Variants in CDC42BPA observed in about 807,000 individuals in gnomAD.
CDC42BPA encodes CDC42 binding protein kinase alpha, also known as serine/threonine-protein kinase MRCK alpha.
CDC42BPA carries 80 observed loss-of-function variants against 223.5 expected under a neutral mutation model. That is an observed-to-expected ratio of 0.36 (90% CI 0.30 to 0.43). CDC42BPA has a LOEUF of 0.43. Among genes scored for constraint, CDC42BPA ranks in the 20% least tolerant of loss-of-function variants. The pLI, the probability that CDC42BPA is intolerant of heterozygous loss-of-function variation, is 1.00. For missense variants in CDC42BPA, 1,743 were observed against 2,099.9 expected (o/e 0.83, Z 3.32); for synonymous variants, 694 against 718.6 (o/e 0.97, Z 0.55).
At chr1:227,152,490 T>C (rs56219094) in intron 6 of CDC42BPA, among the ~76,000 whole-genome samples, 55,941 of 151,970 alleles carry the variant, frequency 0.37, 10,442 homozygotes, top group Middle Eastern at 0.39. Flanking sequence ...CGATAAACTC[T>C]AGACAGCAGG....
At chr1:227,153,052 T>C (rs1292160176) in intron 6 of CDC42BPA, among the ~76,000 whole-genome samples, 1 of 151,854 alleles carries the variant, frequency 6.6e-6, no homozygotes, top group Non-Finnish European at 1.5e-5. Context: ...ACAGCAAAGC[T>C]ACAAAAGAGC....
intron 6 of CDC42BPA, among the ~76,000 whole-genome samples, chr1:227,157,384 A>G (rs1414742192): frequency 6.6e-6 from 1 of 152,058 alleles, no homozygotes; most frequent in Non-Finnish European, 1.5e-5. Context: ...TAATACAGAA[A>G]CCTCAGTTTA....
At chr1:227,150,994 G>T (rs922350058) in intron 6 of CDC42BPA, among the ~76,000 whole-genome samples, 1 of 151,764 alleles carries the variant, frequency 6.6e-6, no homozygotes, top group Non-Finnish European at 1.5e-5. Flanking sequence ...ATTTTTAATG[G>T]TGGTAAAAAT....
At chr1:227,132,169 A>G (rs1320841067) in intron 10 of CDC42BPA, among the ~76,000 whole-genome samples, 2 of 151,322 alleles carry the variant, frequency 1.3e-5, no homozygotes, top group Non-Finnish European at 2.9e-5. Context: ...CTCTCTTTCC[A>G]CGGTCTCCCT....
At chr1:227,152,806 T>C (rs142239293) in intron 6 of CDC42BPA, among the ~76,000 whole-genome samples, 3 of 152,084 alleles carry the variant, frequency 2.0e-5, no homozygotes, top group Non-Finnish European at 2.9e-5. Flanking sequence ...ACATCAGCAA[T>C]AATCTGTTTA....
At chr1:227,168,492 C>G (rs1572103516) in intron 5 of CDC42BPA, among the ~76,000 whole-genome samples, 2 of 30,892 alleles carry the variant, frequency 6.5e-5, no homozygotes, top group East Asian at 9.7e-4. Flanking sequence ...TTTATCTTCC[C>G]TGGTGTTTTT....
At chr1:227,130,922 T>C (rs931905429) in intron 10 of CDC42BPA, among the ~76,000 whole-genome samples, 3 of 152,158 alleles carry the variant, frequency 2.0e-5, no homozygotes, top group African/African-American at 7.2e-5. Flanking sequence ...CTTTTCCTCC[T>C]GTACCCCACC....
At chr1:227,141,287 A>C (rs1259667058) in intron 9 of CDC42BPA, among the ~76,000 whole-genome samples, 2 of 152,192 alleles carry the variant, frequency 1.3e-5, no homozygotes, top group Non-Finnish European at 2.9e-5. Context: ...TGTAAAGCAG[A>C]GACATGGTTG....
At chr1:227,114,585 T>C (rs1000244925) in intron 12 of CDC42BPA, among the ~76,000 whole-genome samples, 2 of 152,012 alleles carry the variant, frequency 1.3e-5, no homozygotes, top group Admixed American at 6.5e-5. Flanking sequence ...CTTTGTACAG[T>C]AAACAAAAGA....
At chr1:227,312,037 T>C (rs936016398) in intron 1 of CDC42BPA, among the ~76,000 whole-genome samples, 3 of 152,242 alleles carry the variant, frequency 2.0e-5, no homozygotes, top group Non-Finnish European at 4.4e-5. Context: ...AAACTATTTT[T>C]ATCTCAACCT....
At chr1:227,030,259 T>A in intron 29 of CDC42BPA, 149 bp downstream of exon 29, 3 of 590,174 alleles carry the variant, frequency 5.1e-6, no homozygotes, top group Non-Finnish European at 8.9e-6. Context: ...AAATAATCTT[T>A]TAATTTATAA....
chr1:227,108,268 C>T (rs1011572371), intron 14 of CDC42BPA, among the ~76,000 whole-genome samples: 35 of 152,156 alleles, frequency 2.3e-4, no homozygotes, highest in African/African-American at 8.2e-4. Context: ...TGAGCACTGC[C>T]TTTATGGCAT....
chr1:227,237,371 G>A (rs186634618), intron 2 of CDC42BPA, among the ~76,000 whole-genome samples: 47 of 152,026 alleles, frequency 3.1e-4, no homozygotes, highest in Middle Eastern at 3.4e-3. Context: ...CCATTCCCTC[G>A]ACTACCTATT....
chr1:227,025,211 C>A (rs768619220), intron 31 of CDC42BPA, among the ~76,000 whole-genome samples: 8 of 152,068 alleles, frequency 5.3e-5, no homozygotes, highest in Non-Finnish European at 1.2e-4. Flanking sequence ...TCACTGCACT[C>A]CAGGTTGGAT....
intron 5 of CDC42BPA, chr1:227,183,134 T>G (rs911919009): frequency 6.6e-6 from 1 of 152,244 alleles, no homozygotes; most frequent in Non-Finnish European, 1.5e-5. Context: ...CTCCCTTTTA[T>G]ATATACATAT....
At chr1:227,061,600 G>A (rs1237657144) in intron 21 of CDC42BPA, among the ~76,000 whole-genome samples, 1 of 152,134 alleles carries the variant, frequency 6.6e-6, no homozygotes, top group Non-Finnish European at 1.5e-5. Flanking sequence ...GCTTTGATCT[G>A]ATACTCAGGT....
intron 2 of CDC42BPA, among the ~76,000 whole-genome samples, chr1:227,246,512 T>TG (rs1248309456): frequency 6.6e-6 from 1 of 151,856 alleles, no homozygotes; most frequent in Non-Finnish European, 1.5e-5. Flanking sequence ...GAGTTCCAGG[T>TG]GGCTCGATAC....
chr1:227,315,610 A>T (rs1237662689), intron 1 of CDC42BPA, among the ~76,000 whole-genome samples: 1 of 151,938 alleles, frequency 6.6e-6, no homozygotes, highest in Non-Finnish European at 1.5e-5. Context: ...AGAATTTCTC[A>T]ATTTGTGAAA....
intron 15 of CDC42BPA, among the ~76,000 whole-genome samples, chr1:227,093,266 A>G (rs895689414): frequency 2.0e-5 from 3 of 152,210 alleles, no homozygotes; most frequent in Non-Finnish European, 4.4e-5. Flanking sequence ...GAATACCACA[A>G]GAACAATGTT....
Sources: allele counts gnomAD v4.1 joint callset (sites outside exome capture counted in the v4.1 genomes callset), GRCh38; gene constraint gnomAD v4.1.1; transcripts MANE v1.5; gene names NCBI Gene and HGNC (gene_info 2026-07-23, HGNC 2026-07-21).